The following TMEM245 variants were observed in gnomAD, a reference collection of about 807,000 sequenced individuals.
TMEM245 encodes the protein transmembrane protein 245, also known as protein CG-2.
In TMEM245, 69 loss-of-function variants were observed where a neutral mutation model predicts 101.2. The ratio of observed to expected loss-of-function variants is 0.68; its 90% CI spans 0.56 to 0.83. The LOEUF (loss-of-function observed/expected upper bound fraction) is 0.83. Among genes scored for constraint, TMEM245 ranks in the 40% least tolerant of loss-of-function variants. TMEM245 has a pLI of 0.00. For synonymous variants in TMEM245, 537 were observed against 449.8 expected, an observed-to-expected ratio of 1.19 and a Z score of -2.45; for missense variants, 1,075 against 1,092.8, an observed-to-expected ratio of 0.98 and a Z score of 0.23.
intron 17 of TMEM245, among the ~76,000 whole-genome samples, chr9:109,029,300 G>A (rs1212540208): frequency 1.3e-5 from 2 of 152,180 alleles, no homozygotes; most frequent in African/African-American, 4.8e-5. Flanking sequence ...CAAGAAAAAT[G>A]TCAGAACACC....
intron 3 of TMEM245, among the ~76,000 whole-genome samples, chr9:109,100,563 A>T (rs186555869): frequency 3.9e-5 from 6 of 151,974 alleles, no homozygotes; most frequent in Non-Finnish European, 8.8e-5. Context: ...TTGACCAGGC[A>T]AGGTTAGTCT....
intron 6 of TMEM245, 53 bp from the exon 7 acceptor site, chr9:109,086,073 A>G: frequency 6.4e-7 from 1 of 1,568,148 alleles, no homozygotes; most frequent in Non-Finnish European, 8.8e-7. Flanking sequence ...GTGGAGTATC[A>G]TTAGAGAATG....
chr9:109,088,414 TAGA>T (rs775634309), intron 5 of TMEM245, among the ~76,000 whole-genome samples: 2 of 152,230 alleles, frequency 1.3e-5, no homozygotes, highest in Admixed American at 6.5e-5. Context: ...CTATGATGAC[TAGA>T]AGGTTAAGCT....
At chr9:109,037,967 C>T (rs189114678) in intron 15 of TMEM245, 50 bp downstream of exon 15, 65 of 1,440,784 alleles carry the variant, frequency 4.5e-5, no homozygotes, top group Non-Finnish European at 3.7e-6. Flanking sequence ...TGTAAAATGG[C>T]TTAACTTTCC....
intron 1 of TMEM245, among the ~76,000 whole-genome samples, chr9:109,116,608 T>C (rs1830730610): frequency 6.6e-6 from 1 of 152,044 alleles, no homozygotes; most frequent in East Asian, 1.9e-4. Context: ...CTCAACTCAC[T>C]GCAACCTCCA....
Position 109,036,278 on chromosome 9 carries a change from G to C in TMEM245, c.2327C>G (p.Ala776Gly). ...LWLTQGLGCK[A>G]ILLLIFHLLP... ...GAGATGAAAAATCAACAGTAAAATG[G>C]CCTTGCATCCTAACCCTTGTGTCAG... The change falls in exon 16 of 18, where the codon GCC becomes GGC. Residue 776 changes from alanine (A) to glycine (G), a missense_variant. Physicochemically the swap from Ala to Gly is moderately conservative, Grantham distance 60. Around this residue, in one of 2 missense-constraint regions of TMEM245, gnomAD observed 267 missense variants for 351.3 expected, o/e 0.76. Coordinates refer to ENST00000374586, the MANE Select transcript of TMEM245 (RefSeq NM_032012.4). The C allele has an allele frequency of 1.9e-6, 3 of 1,613,810 alleles. No homozygotes were observed. Among genetic ancestry groups the C allele is most frequent in the Non-Finnish European group, 2.5e-6 (3 of 1,179,960 alleles).
chr9:109,083,618 C>T (rs1167859996), intron 7 of TMEM245, among the ~76,000 whole-genome samples: 1 of 152,104 alleles, frequency 6.6e-6, no homozygotes, highest in Non-Finnish European at 1.5e-5. Flanking sequence ...TCTACACTAA[C>T]TGGCCTATTT....
intron 1 of TMEM245, among the ~76,000 whole-genome samples, chr9:109,115,099 C>T (rs1020142830): frequency 2.0e-5 from 3 of 152,160 alleles, no homozygotes; most frequent in African/African-American, 2.4e-5. Flanking sequence ...GTAATCCCAG[C>T]ACTTTGGGAG....
chr9:109,057,183 T>C lies in TMEM245; in HGVS notation c.1854+8A>G. 1.2e-6 allele frequency: 2 copies of C among 1,611,736 alleles called. No homozygotes were observed. Among genetic ancestry groups the C allele is most frequent in the Non-Finnish European group, 1.7e-6 (2 of 1,178,880 alleles). On this transcript the variant is annotated splice_region_variant and intron_variant, in intron 12 of 17. Transcript: ENST00000374586. ...AACTTCAGCTTAACTATAAATGCTA[T>C]TTCTTACCGAAAGAAATGTCTCAAT...
At chr9:109,110,198 TGCAGA>T (rs1334142958) in intron 1 of TMEM245, among the ~76,000 whole-genome samples, 1 of 152,184 alleles carries the variant, frequency 6.6e-6, no homozygotes, top group Non-Finnish European at 1.5e-5. Flanking sequence ...GAGATCTGAT[TGCAGA>T]GCATAGAAAA....
rs745845799 is a variant in TMEM245 at position 109,073,346 on chromosome 9, A to G, written c.1532+10T>C. 1 of 1,605,046 alleles carries G rather than the reference A, an allele frequency of 6.2e-7. No individual in the cohort carries two copies. The highest frequency in any genetic ancestry group is 8.5e-7 in the Non-Finnish European group (1 of 1,172,498). ...TTCATCTCTCTTCTTTTTCAAAACA[A>G]TATTCTTACTTTGCCCACTCAGGGT... On this transcript the variant is annotated intron_variant, in intron 9 of 17. Coordinates refer to ENST00000374586, the MANE Select transcript of TMEM245 (RefSeq NM_032012.4).
intron 3 of TMEM245, among the ~76,000 whole-genome samples, chr9:109,099,513 A>T (rs1345765341): frequency 6.6e-6 from 1 of 152,172 alleles, no homozygotes; most frequent in Non-Finnish European, 1.5e-5. Flanking sequence ...GCTATTATAG[A>T]TATATCTGAT....
At chr9:109,112,972 A>G (rs1396055189) in intron 1 of TMEM245, among the ~76,000 whole-genome samples, 3 of 152,146 alleles carry the variant, frequency 2.0e-5, no homozygotes, top group Admixed American at 1.3e-4. Context: ...GCCACTCGGG[A>G]GGCTGAGGCA....
chr9:109,095,567 A>T (rs1389738452), intron 3 of TMEM245, among the ~76,000 whole-genome samples: 2 of 152,240 alleles, frequency 1.3e-5, no homozygotes, highest in Non-Finnish European at 2.9e-5. Flanking sequence ...CAGATGATGC[A>T]GATCACAGAA....
chr9:109,055,629 C>CAAAAA (rs1828808944), intron 12 of TMEM245, among the ~76,000 whole-genome samples: 2 of 146,818 alleles, frequency 1.4e-5, no homozygotes, highest in Non-Finnish European at 1.5e-5. Flanking sequence ...ATCACGGTTT[C>CAAAAA]TTTTTTTCTT....
At chr9:109,111,276 G>A (rs1280570693) in intron 1 of TMEM245, among the ~76,000 whole-genome samples, 1 of 152,048 alleles carries the variant, frequency 6.6e-6, no homozygotes, top group East Asian at 1.9e-4. Context: ...ATCTACAAAT[G>A]GAATAATCAT....
intron 3 of TMEM245, among the ~76,000 whole-genome samples, chr9:109,105,020 C>CA (rs1564209037): frequency 6.6e-6 from 1 of 151,928 alleles, no homozygotes; most frequent in Admixed American, 6.6e-5. Context: ...TGGACTTCAT[C>CA]AAAAAAATTT....
chr9:109,042,430 G>A (rs1426356208), intron 14 of TMEM245: 3 of 152,312 alleles, frequency 2.0e-5, no homozygotes, highest in Admixed American at 2.0e-4. Flanking sequence ...AGGGAACAGA[G>A]CAATCTGTAA....
At chr9:109,072,071 G>A (rs1829351183) in intron 9 of TMEM245, among the ~76,000 whole-genome samples, 2 of 152,204 alleles carry the variant, frequency 1.3e-5, no homozygotes, top group South Asian at 4.1e-4. Flanking sequence ...ATTTACCAAA[G>A]TGTTGGGAAA....
Sources: gnomAD v4.1 joint callset for allele counts (sites outside exome capture counted in the v4.1 genomes callset) on GRCh38, gnomAD v4.1.1 for gene constraint, gnomAD v4.1.1 regional missense constraint, MANE v1.5 for transcripts, NCBI Gene and HGNC (gene_info 2026-07-23, HGNC 2026-07-21) for gene names.